LRP1B: variants seen among roughly 807,000 people sequenced by gnomAD.
The protein encoded by LRP1B is low-density lipoprotein receptor-related protein 1B.
LRP1B carries 217 observed loss-of-function variants against 556.6 expected under a neutral mutation model. The ratio of observed to expected loss-of-function variants is 0.39; its 90% CI spans 0.35 to 0.44. LRP1B has a LOEUF of 0.44. LRP1B is among the 20% of genes least tolerant of loss of function. LRP1B has a pLI of 1.00. For missense variants in LRP1B, 5,053 were observed against 5,620.8 expected, an observed-to-expected ratio of 0.90 and a Z score of 3.23; for synonymous variants, 2,047 against 1,865.8, an observed-to-expected ratio of 1.10 and a Z score of -2.50.
At chr2:141,405,942 T>C (rs1041816687) in intron 3 of LRP1B, among the ~76,000 whole-genome samples, 2 of 152,088 alleles carry the variant, frequency 1.3e-5, no homozygotes, top group East Asian at 1.9e-4. Context: ...TCTTATATAG[T>C]ACAGTAGCAT....
chr2:141,131,719 G>A (rs906402841), intron 7 of LRP1B, among the ~76,000 whole-genome samples: 2 of 151,782 alleles, frequency 1.3e-5, no homozygotes, highest in African/African-American at 4.8e-5. Context: ...CACTGACAGA[G>A]GGAAATGCAA....
In LRP1B at chr2:140,356,447, CATT is replaced by C; in HGVS notation, c.11422_11424del (p.Asn3808del). The C allele has an allele frequency of 6.2e-7, 1 of 1,606,488 alleles. No individual in the cohort carries two copies. The highest frequency in any genetic ancestry group is 8.5e-7 in the Non-Finnish European group (1 of 1,174,028). On this transcript the variant is annotated inframe_deletion, in exon 75 of 91. Coordinates refer to ENST00000389484, the MANE Select transcript of LRP1B (RefSeq NM_018557.3). The stretch of plus-strand genomic sequence containing the variant: ...TATGCATCATCTCCACATGGATTCA[CATT>C]ATCTTCACAGGTATATTCAGTAGGA...
intron 32 of LRP1B, among the ~76,000 whole-genome samples, chr2:140,797,848 T>A (rs1411010278): frequency 6.6e-6 from 1 of 152,186 alleles, no homozygotes; most frequent in Admixed American, 6.5e-5. Context: ...TTTAAAAATA[T>A]GACAAAATAG....
At chr2:140,591,795 A>G (rs1682238002) in intron 43 of LRP1B, among the ~76,000 whole-genome samples, 1 of 152,236 alleles carries the variant, frequency 6.6e-6, no homozygotes, top group Non-Finnish European at 1.5e-5. Flanking sequence ...ACATATATAC[A>G]TAAGTATTTC....
chr2:141,868,086 A>C (rs942444767), intron 1 of LRP1B, among the ~76,000 whole-genome samples: 3 of 152,208 alleles, frequency 2.0e-5, no homozygotes, highest in Non-Finnish European at 2.9e-5. Flanking sequence ...CTGACTGCCA[A>C]ATCCTAAAGG....
intron 6 of LRP1B, among the ~76,000 whole-genome samples, chr2:141,203,454 GT>G (rs1682131178): frequency 1.3e-5 from 2 of 152,056 alleles, no homozygotes; most frequent in South Asian, 4.2e-4. Flanking sequence ...TTACATAATG[GT>G]AAAGGGATCA....
intron 1 of LRP1B, among the ~76,000 whole-genome samples, chr2:141,886,853 C>T (rs76175360): frequency 0.019 from 2,939 of 152,104 alleles, 38 homozygotes; most frequent in Non-Finnish European, 0.03. Flanking sequence ...AGATAATCTA[C>T]GCTAGCTGCT....
intron 52 of LRP1B, among the ~76,000 whole-genome samples, chr2:140,508,678 G>A (rs901644346): frequency 3.3e-5 from 5 of 152,084 alleles, no homozygotes; most frequent in Non-Finnish European, 7.3e-5. Context: ...CACCAATTCC[G>A]ATACATGGAT....
intron 3 of LRP1B, among the ~76,000 whole-genome samples, chr2:141,321,931 G>A (rs937516425): frequency 3.3e-5 from 5 of 152,084 alleles, no homozygotes; most frequent in Admixed American, 1.3e-4. Context: ...CCAAGCAACC[G>A]GCCCAATAGT....
At chr2:142,112,416 T>C (rs1473554442) in intron 1 of LRP1B, among the ~76,000 whole-genome samples, 2 of 151,820 alleles carry the variant, frequency 1.3e-5, no homozygotes. Flanking sequence ...GATTATGTAG[T>C]AGTTAAAAGG....
chr2:141,109,479 A>G lies in LRP1B; in HGVS notation c.1014-47206T>C, dbSNP rs115391852. Among the ~76,000 whole-genome samples, 248 of 152,278 alleles carry G rather than the reference A, an allele frequency of 1.6e-3. 2 individuals carry two copies. Among genetic ancestry groups the G allele is most frequent in the African/African-American group, 5.8e-3 (240 of 41,544 alleles). On this transcript the variant is annotated intron_variant, in intron 7 of 90. Coordinates refer to ENST00000389484, the MANE Select transcript of LRP1B (RefSeq NM_018557.3). ...ATACCAGGAGACAAAAGCCAAAAAG[A>G]TTCATTTTTAGTTCTTTCACTTCAA... is the stretch of plus-strand genomic sequence containing the variant.
Position 141,480,497 on chromosome 2 carries a change from T to C in LRP1B, c.242A>G (p.His81Arg), listed in dbSNP as rs970126470. The part of the protein sequence containing the change: ...EEVEIKCPLN[H>R]IACLGTNKCV... ...TTTGTTGGTACCAAGGCAAGCAATGTGATTCAAGGGGCACTTGATTTCTAC... is the reference window on the plus strand; with the variant it reads ...TTTGTTGGTACCAAGGCAAGCAATGCGATTCAAGGGGCACTTGATTTCTAC... The change falls in exon 3 of 91, where the codon CAC becomes CGC. Residue 81 changes from histidine to arginine, a missense_variant. His to Arg is a conservative substitution (Grantham distance 29). Around this residue, in one of 5 missense-constraint regions of LRP1B, gnomAD observed 3,619 missense variants for 3,931.9 expected, o/e 0.92. Coordinates refer to ENST00000389484, the MANE Select transcript of LRP1B (RefSeq NM_018557.3). 1 of 1,613,912 alleles carries C rather than the reference T, an allele frequency of 6.2e-7. No homozygotes were observed. The highest frequency in any genetic ancestry group is 1.3e-5 in the African/African-American group (1 of 74,910).
At chr2:140,806,005 A>T (rs141389517) in intron 32 of LRP1B, among the ~76,000 whole-genome samples, 1,814 of 152,218 alleles carry the variant, frequency 0.012, 32 homozygotes, top group African/African-American at 0.042. Context: ...TTTGGTCATG[A>T]GGGTAAAGAC....
At chr2:141,589,524 C>T (rs940598317) in intron 2 of LRP1B, among the ~76,000 whole-genome samples, 1 of 152,096 alleles carries the variant, frequency 6.6e-6, no homozygotes, top group African/African-American at 2.4e-5. Context: ...CTTCACAGCC[C>T]CATCCCCTTT....
At chr2:141,591,740 GT>G (rs1292748198) in intron 2 of LRP1B, among the ~76,000 whole-genome samples, 1 of 151,904 alleles carries the variant, frequency 6.6e-6, no homozygotes, top group Non-Finnish European at 1.5e-5. Flanking sequence ...GTGGACCATG[GT>G]TTTATGTGTA....
chr2:140,389,733 GTATATATAGTTTTATATATA>G (rs1329310205), intron 66 of LRP1B, among the ~76,000 whole-genome samples: 1 of 146,770 alleles, frequency 6.8e-6, no homozygotes, highest in Middle Eastern at 3.6e-3. Context: ...TTATATATAT[GTATATATAGTTTTATATATA>G]TATATATTCA....
chr2:142,096,328 T>G (rs1481602173), intron 1 of LRP1B, among the ~76,000 whole-genome samples: 1 of 151,320 alleles, frequency 6.6e-6, no homozygotes, highest in East Asian at 1.9e-4. Flanking sequence ...AGAAAAGGAG[T>G]TTAAAGTAAA....
intron 3 of LRP1B, among the ~76,000 whole-genome samples, chr2:141,262,775 T>G (rs773725701): frequency 6.6e-5 from 10 of 152,138 alleles, no homozygotes; most frequent in Admixed American, 2.6e-4. Flanking sequence ...TGTATGTCTG[T>G]CCTTTCTATA....
intron 1 of LRP1B, among the ~76,000 whole-genome samples, chr2:141,849,505 T>A (rs1364563064): frequency 1.3e-5 from 2 of 151,674 alleles, no homozygotes; most frequent in African/African-American, 4.8e-5. Context: ...TTCCATTTTT[T>A]AACTTTCAAA....
Sources: gnomAD v4.1 joint callset for allele counts (sites outside exome capture counted in the v4.1 genomes callset) on GRCh38, gnomAD v4.1.1 for gene constraint, gnomAD v4.1.1 regional missense constraint, MANE v1.5 for transcripts, NCBI Gene and HGNC (gene_info 2026-07-23, HGNC 2026-07-21) for gene names.